The following RBFOX1 variants were observed in gnomAD, a reference collection of about 807,000 sequenced individuals.
RBFOX1 encodes RNA binding fox-1 homolog 1, also known as RNA binding protein fox-1 homolog 1.
In RBFOX1, 8 loss-of-function variants were observed where a neutral mutation model predicts 57.7. That is an observed-to-expected ratio of 0.14 (90% CI 0.08 to 0.25). The LOEUF is 0.25. Among genes scored for constraint, RBFOX1 ranks in the 10% least tolerant of loss-of-function variants. The probability of loss-of-function intolerance (pLI) is 1.00; values close to 1 mark genes in which losing one functional copy is unlikely to be tolerated. For synonymous variants in RBFOX1, 326 were observed against 222.4 expected (o/e 1.47, Z -4.15); for missense variants, 611 against 548.5 (o/e 1.11, Z -1.14).
At chr16:7,001,604 G>A (rs1302158216) in intron 3 of RBFOX1, among the ~76,000 whole-genome samples, 1 of 151,912 alleles carries the variant, frequency 6.6e-6, no homozygotes, top group Non-Finnish European at 1.5e-5. Flanking sequence ...TTACAGGCAC[G>A]TGCCATCACA....
chr16:7,341,583 G>C (rs1364014479), intron 4 of RBFOX1, among the ~76,000 whole-genome samples: 1 of 152,144 alleles, frequency 6.6e-6, no homozygotes, highest in Non-Finnish European at 1.5e-5. Flanking sequence ...ATTGCTGTCA[G>C]TGGTCTGACA....
intron 1 of RBFOX1, among the ~76,000 whole-genome samples, chr16:6,189,939 A>G (rs577017440): frequency 6.6e-6 from 1 of 152,154 alleles, no homozygotes; most frequent in Non-Finnish European, 1.5e-5. Flanking sequence ...CTTTGCCCAG[A>G]CTAATGTCCT....
At chr16:5,829,868 A>AG (rs1491380142) in intron 3 of RBFOX1, among the ~76,000 whole-genome samples, 1 of 152,134 alleles carries the variant, frequency 6.6e-6, no homozygotes, top group Non-Finnish European at 1.5e-5. Context: ...AAACAAAAAC[A>AG]GGGGGGAAGA....
rs1036645218 is a variant in RBFOX1 at position 7,669,003 on chromosome 16, C to A, written c.930+4035C>A. Reference sequence around the variant, plus strand: ...ACTTGCAACCTCCGCTTCCAGGGTTCAAGGGACTCTTCAACCTCAGCCTCC... The same window carrying A: ...ACTTGCAACCTCCGCTTCCAGGGTTAAAGGGACTCTTCAACCTCAGCCTCC... On this transcript the variant is annotated intron_variant, in intron 13 of 15. Coordinates refer to ENST00000550418, the MANE Select transcript of RBFOX1 (RefSeq NM_018723.4). Among the ~76,000 whole-genome samples, 119 of 152,300 alleles carry A rather than the reference C, an allele frequency of 7.8e-4. 1 individual carries two copies. The highest frequency in any genetic ancestry group is 2.6e-3 in the African/African-American group (110 of 41,564).
At chr16:7,064,558 G>T (rs571897765) in intron 4 of RBFOX1, among the ~76,000 whole-genome samples, 2 of 152,196 alleles carry the variant, frequency 1.3e-5, no homozygotes, top group South Asian at 2.1e-4. Flanking sequence ...TCACCTACCA[G>T]TCAAAGGAGG....
At chr16:5,903,520 G>A (rs921499412) in intron 4 of RBFOX1, among the ~76,000 whole-genome samples, 6 of 152,154 alleles carry the variant, frequency 3.9e-5, no homozygotes, top group African/African-American at 1.4e-4. Context: ...TTGGACAGAA[G>A]GAAGAGGATG....
At chr16:6,707,274 C>T (rs979121549) in intron 3 of RBFOX1, among the ~76,000 whole-genome samples, 1 of 152,174 alleles carries the variant, frequency 6.6e-6, no homozygotes, top group Non-Finnish European at 1.5e-5. Context: ...AGCTGCTGAT[C>T]TGTGTTCTGA....
intron 2 of RBFOX1, among the ~76,000 whole-genome samples, chr16:5,573,658 G>T (rs946863762): frequency 2.0e-5 from 3 of 152,072 alleles, no homozygotes; most frequent in Non-Finnish European, 4.4e-5. Context: ...GCATCCCAAG[G>T]CTCCTCTCTA....
intron 1 of RBFOX1, among the ~76,000 whole-genome samples, chr16:5,376,890 G>T (rs2065998656): frequency 6.7e-6 from 1 of 149,880 alleles, no homozygotes. Flanking sequence ...AGTGGCCCCT[G>T]GGACTAGGCC....
intron 3 of RBFOX1, among the ~76,000 whole-genome samples, chr16:6,687,561 C>G (rs560001649): frequency 1.3e-5 from 2 of 152,288 alleles, no homozygotes; most frequent in East Asian, 1.9e-4. Context: ...TGTTTTATCA[C>G]TTGCAAGCTT....
At chr16:5,502,195 T>C (rs2043221293) in intron 2 of RBFOX1, among the ~76,000 whole-genome samples, 1 of 152,100 alleles carries the variant, frequency 6.6e-6, no homozygotes, top group East Asian at 1.9e-4. Context: ...TGAGATGGCA[T>C]GGAGGCAGCA....
intron 3 of RBFOX1, chr16:6,774,033 T>C (rs1235632992): frequency 9.2e-6 from 9 of 981,174 alleles, no homozygotes; most frequent in Non-Finnish European, 9.7e-6. Flanking sequence ...GTTTGCTTTT[T>C]CTACCTGTAA....
intron 14 of RBFOX1, among the ~76,000 whole-genome samples, chr16:7,708,740 C>T (rs766423650): frequency 6.6e-6 from 1 of 152,164 alleles, no homozygotes; most frequent in Non-Finnish European, 1.5e-5. Context: ...TCTTTCTTAC[C>T]TACCTCAGTC....
chr16:5,501,736 C>T (rs1445216431), intron 2 of RBFOX1, among the ~76,000 whole-genome samples: 1 of 152,092 alleles, frequency 6.6e-6, no homozygotes, highest in South Asian at 2.1e-4. Context: ...ATTTTAGAGA[C>T]AAGATCTTGC....
intron 3 of RBFOX1, among the ~76,000 whole-genome samples, chr16:5,635,830 A>G (rs1018591892): frequency 2.0e-5 from 3 of 152,020 alleles, no homozygotes; most frequent in Non-Finnish European, 2.9e-5. Context: ...TTTTTATCCT[A>G]TTTGATTTCT....
chr16:5,956,556 G>C (rs2059643086), intron 4 of RBFOX1, among the ~76,000 whole-genome samples: 1 of 150,664 alleles, frequency 6.6e-6, no homozygotes, highest in Non-Finnish European at 1.5e-5. Context: ...AGTTAGATGT[G>C]GGGTGGAAAA....
chr16:7,603,058 A>G (rs1369356342), intron 9 of RBFOX1, among the ~76,000 whole-genome samples: 2 of 152,200 alleles, frequency 1.3e-5, no homozygotes, highest in African/African-American at 4.8e-5. Context: ...GCCAAAGTCT[A>G]TGGGATACAG....
chr16:6,450,168 C>T (rs2094560829), intron 2 of RBFOX1, among the ~76,000 whole-genome samples: 2 of 152,152 alleles, frequency 1.3e-5, no homozygotes, highest in African/African-American at 2.4e-5. Context: ...TGTTTCAGAA[C>T]ACCTGGATCC....
At chr16:6,733,045 T>C (rs951742030) in intron 3 of RBFOX1, among the ~76,000 whole-genome samples, 57 of 152,320 alleles carry the variant, frequency 3.7e-4, no homozygotes, top group African/African-American at 1.3e-3. Flanking sequence ...AATTAACTTA[T>C]TAAGAGACGT....
Sources: gnomAD v4.1 joint callset for allele counts (sites outside exome capture counted in the v4.1 genomes callset) on GRCh38, gnomAD v4.1.1 for gene constraint, MANE v1.5 for transcripts, NCBI Gene and HGNC (gene_info 2026-07-23, HGNC 2026-07-21) for gene names.